DUSP15: variants seen among roughly 807,000 people sequenced by gnomAD.
DUSP15 encodes the protein dual specificity protein phosphatase 15.
In DUSP15, 23 loss-of-function variants were observed where a neutral mutation model predicts 26.3. That is an observed-to-expected ratio of 0.87 (90% confidence interval 0.63 to 1.24). The LOEUF (loss-of-function observed/expected upper bound fraction) is 1.24, where lower values mean the gene tolerates loss of function less well. Ranked by LOEUF, DUSP15 falls within the 50% of genes most tolerant of loss-of-function variation. The probability of loss-of-function intolerance (pLI) is 0.00; values close to 1 mark genes in which losing one functional copy is unlikely to be tolerated. For missense variants in DUSP15, 364 were observed against 320.6 expected (o/e 1.14, Z -1.03); for synonymous variants, 143 against 135.5 (o/e 1.06, Z -0.39).
At chr20:31,864,724 T>C (rs1397998422) in intron 4 of DUSP15, among the ~76,000 whole-genome samples, 1 of 152,202 alleles carries the variant, frequency 6.6e-6, no homozygotes, top group African/African-American at 2.4e-5. Context: ...AGAGTGTCCT[T>C]TTCCCATTTC....
rs775665153 is a variant in DUSP15, at chr20:31,848,413, A to T, written c.879T>A (p.Cys293Ter). The T allele has an allele frequency of 6.2e-7, 1 of 1,611,550 alleles. No individual in the cohort carries two copies. Among genetic ancestry groups the T allele is most frequent in the Admixed American group, 1.7e-5 (1 of 59,744 alleles). Residue 293 changes from cysteine to a stop codon, truncating the protein, a stop_gained, in exon 10 of 10, where the codon TGT (cysteine) becomes TGA (stop). Coordinates refer to the DUSP15 transcript ENST00000278979. LOFTEE classifies it high-confidence loss of function. Reference sequence around the variant, plus strand: ...CTGTTGGGGGCTGCCTTCAGCGGGTACAAGAAGAGGAAGCGGCTCGCTTAG... The same window carrying T: ...CTGTTGGGGGCTGCCTTCAGCGGGTTCAAGAAGAGGAAGCGGCTCGCTTAG...
At chr20:31,857,978 T>G (rs1051506413), downstream of DUSP15, among the ~76,000 whole-genome samples, 6 of 152,078 alleles carry the variant, frequency 3.9e-5, no homozygotes, top group African/African-American at 1.4e-4. Context: ...GCTGATTGTT[T>G]TAAGAAAGTG....
chr20:31,869,623 G>T (rs1431048111), intron 1 of DUSP15, 26 bp from the exon 2 acceptor site: 15 of 1,613,160 alleles, frequency 9.3e-6, no homozygotes, highest in Non-Finnish European at 1.3e-5. Flanking sequence ...GCAAGGGTCA[G>T]TGGGGCAGGG....
chr20:31,851,103 A>C (rs1240025948), intron 6 of DUSP15, among the ~76,000 whole-genome samples: 1 of 152,192 alleles, frequency 6.6e-6, no homozygotes, highest in Non-Finnish European at 1.5e-5. Context: ...AGAACTTTGA[A>C]GTTTCAGAGC....
intron 6 of DUSP15, chr20:31,850,730 T>C (rs1427952524): frequency 5.7e-6 from 9 of 1,573,212 alleles, no homozygotes; most frequent in Non-Finnish European, 7.8e-6. Context: ...CCCAGACCCA[T>C]AGATAAGGAG....
Position 31,861,116 on chromosome 20 carries a change from C to G in DUSP15, c.*287G>C. The stretch of plus-strand genomic sequence containing the variant: ...TTTAATACCCTCCAGGCCCGTCAAA[C>G]CCTCCACTCTCCCTCCCTCCCCTCC... On this transcript the variant is annotated 3_prime_UTR_variant, in exon 7 of 7. Transcript: ENST00000339738. 7.7e-7 allele frequency: 1 copy of G among 1,301,212 alleles called. No homozygotes were observed. The highest frequency in any genetic ancestry group is 9.7e-7 in the Non-Finnish European group (1 of 1,029,156). The allele number at this position is 1,301,212 out of a possible 1,614,324, so 80.6% of individuals were successfully genotyped here.
chr20:31,855,797 C>T (rs1355385881), intron 6 of DUSP15, among the ~76,000 whole-genome samples: 1 of 152,212 alleles, frequency 6.6e-6, no homozygotes, highest in Non-Finnish European at 1.5e-5. Context: ...CAAACTCACA[C>T]CAGACACTTA....
At chr20:31,860,099 C>T (rs1393487877), downstream of DUSP15, among the ~76,000 whole-genome samples, 2 of 152,204 alleles carry the variant, frequency 1.3e-5, no homozygotes, top group Non-Finnish European at 2.9e-5. Flanking sequence ...ATGTCAGCAA[C>T]ATGAAGGCAG....
rs751494522 is a variant in DUSP15 at position 31,861,421 on chromosome 20, G to A, written c.690C>T (p.Ser230=). ...TGCATCCTCACTTGCCGCCCTTGCG[G>A]GACAGACACCGGGGGAGGCAAGAGA... The part of the protein sequence containing the change: ...QTFSCLPRCL[S]RKGGK Residue 230 remains serine, a synonymous_variant, in exon 7 of 7, where the codon TCC becomes TCT. Transcript: ENST00000339738. 5.8e-6 allele frequency: 9 copies of A among 1,561,846 alleles called. No individual in the cohort carries two copies. In the African/African-American group the frequency reaches 1.1e-4, roughly 19 times the overall value.
chr20:31,868,217 C>T (rs2062815917), intron 2 of DUSP15, among the ~76,000 whole-genome samples: 1 of 152,178 alleles, frequency 6.6e-6, no homozygotes, highest in Admixed American at 6.5e-5. Context: ...CTTCGTGGCT[C>T]CTGCCCTTAT....
At chr20:31,869,527 A>T in intron 2 of DUSP15, 37 bp downstream of exon 2, 2 of 1,605,040 alleles carry the variant, frequency 1.2e-6, no homozygotes, top group Middle Eastern at 1.7e-4. Flanking sequence ...AGACAGGCAG[A>T]GTGCCATGGC....
At chr20:31,866,477 A>G (rs1158590416) in intron 3 of DUSP15, among the ~76,000 whole-genome samples, 1 of 152,180 alleles carries the variant, frequency 6.6e-6, no homozygotes, top group Non-Finnish European at 1.5e-5. Context: ...GATGTTCCTG[A>G]CATAAGCACG....
chr20:31,853,895 T>G (rs2062516254), intron 6 of DUSP15, among the ~76,000 whole-genome samples: 1 of 152,068 alleles, frequency 6.6e-6, no homozygotes, highest in Non-Finnish European at 1.5e-5. Flanking sequence ...TGAGTTACCG[T>G]GCCCAGCCTG....
At chr20:31,850,967 G>A (rs1053853950) in intron 6 of DUSP15, among the ~76,000 whole-genome samples, 21 of 152,344 alleles carry the variant, frequency 1.4e-4, no homozygotes, top group Admixed American at 1.2e-3. Context: ...TTCCCAGACT[G>A]TTCCCACCAG....
intron 9 of DUSP15, chr20:31,848,752 T>TCTGGAGGGGA: frequency 6.4e-7 from 1 of 1,558,046 alleles, no homozygotes; most frequent in Non-Finnish European, 8.7e-7. Flanking sequence ...GGAAGGGCTG[T>TCTGGAGGGGA]CTGGAGGGGA....
chr20:31,849,501 C>G (rs778110046), intron 8 of DUSP15: 1 of 752,500 alleles, frequency 1.3e-6, no homozygotes, highest in Non-Finnish European at 2.4e-6. Context: ...TGCCCCCGTT[C>G]CCACGCCACT....
At chr20:31,849,162 A>T (rs1292468598) in intron 8 of DUSP15, among the ~76,000 whole-genome samples, 1 of 151,478 alleles carries the variant, frequency 6.6e-6, no homozygotes, top group Non-Finnish European at 1.5e-5. Context: ...ACCCATGCCC[A>T]CTGCCACTCA....
At chr20:31,848,459 A>G in exon 10 of DUSP15, 1 of 1,612,238 alleles carries the variant, frequency 6.2e-7, no homozygotes, top group East Asian at 2.2e-5. Context: ...GCTGCATTGA[A>G]GGTGAGTGAT....
chr20:31,861,118 C>T lies in DUSP15; in HGVS notation c.*285G>A. 7.7e-7 allele frequency: 1 copy of T among 1,305,846 alleles called. No homozygotes were observed. The highest frequency in any genetic ancestry group is 9.7e-7 in the Non-Finnish European group (1 of 1,031,928). 80.9% of individuals were successfully genotyped at this position (1,305,846 alleles called of 1,614,324 possible). A position where few individuals can be genotyped will look rare whatever the true frequency, so the allele number is the denominator to read the frequency against. The stretch of plus-strand genomic sequence containing the variant: ...TAATACCCTCCAGGCCCGTCAAACC[C>T]TCCACTCTCCCTCCCTCCCCTCCCG... On this transcript the variant is annotated 3_prime_UTR_variant, in exon 7 of 7. Coordinates refer to ENST00000339738, the MANE Select transcript of DUSP15 (RefSeq NM_080611.5).
Sources: gnomAD v4.1 joint callset for allele counts (sites outside exome capture counted in the v4.1 genomes callset) on GRCh38, gnomAD v4.1.1 for gene constraint, MANE v1.5 for transcripts, NCBI Gene and HGNC (gene_info 2026-07-23, HGNC 2026-07-21) for gene names.